Variants in WWOX observed in about 807,000 individuals in gnomAD.
The protein encoded by WWOX is WW domain-containing oxidoreductase.
A neutral mutation model predicts 46.2 loss-of-function variants in WWOX; 69 were observed. The observed-to-expected ratio is 1.49, with a 90% CI of 1.23 to 1.82. The LOEUF (loss-of-function observed/expected upper bound fraction) is 1.82, where lower values mean the gene tolerates loss of function less well. Among genes scored for constraint, WWOX ranks in the 40% most tolerant of loss-of-function variants. WWOX has a pLI of 0.00. For missense variants in WWOX, 919 were observed against 542.6 expected, an observed-to-expected ratio of 1.69 and a Z score of -6.89; for synonymous variants, 359 against 202.6, an observed-to-expected ratio of 1.77 and a Z score of -6.56.
intron 8 of WWOX, among the ~76,000 whole-genome samples, chr16:78,764,042 A>G (rs963892429): frequency 1.4e-4 from 21 of 152,266 alleles, no homozygotes; most frequent in African/African-American, 5.1e-4. Flanking sequence ...GCTGCGTAGG[A>G]TATGTGAAAT....
At chr16:79,126,619 T>G (rs754694903) in intron 8 of WWOX, among the ~76,000 whole-genome samples, 61 of 152,280 alleles carry the variant, frequency 4.0e-4, no homozygotes, top group Non-Finnish European at 6.3e-4. Flanking sequence ...TAAACCTCTT[T>G]CCTTTATAAA....
At chr16:78,476,361 A>T (rs2084348543) in intron 8 of WWOX, among the ~76,000 whole-genome samples, 1 of 152,124 alleles carries the variant, frequency 6.6e-6, no homozygotes, top group Non-Finnish European at 1.5e-5. Flanking sequence ...CAAGGACAAA[A>T]AACCAAACAC....
intron 8 of WWOX, among the ~76,000 whole-genome samples, chr16:78,856,746 A>G (rs1051363650): frequency 6.6e-6 from 1 of 152,204 alleles, no homozygotes; most frequent in Non-Finnish European, 1.5e-5. Context: ...AGAAATATAC[A>G]TGTACATAGA....
At chr16:78,222,295 C>CAGCT (rs2036912911) in intron 5 of WWOX, among the ~76,000 whole-genome samples, 1 of 149,524 alleles carries the variant, frequency 6.7e-6, no homozygotes, top group Non-Finnish European at 1.5e-5. Context: ...GCCAAGGGCC[C>CAGCT]AGCTGTGCCT....
intron 8 of WWOX, among the ~76,000 whole-genome samples, chr16:78,458,931 CT>C (rs1567585558): frequency 6.6e-6 from 1 of 152,138 alleles, no homozygotes; most frequent in East Asian, 1.9e-4. Flanking sequence ...AATATTCATT[CT>C]CTGTGTCACC....
At chr16:78,527,875 A>G (rs2043515305) in intron 8 of WWOX, among the ~76,000 whole-genome samples, 1 of 151,508 alleles carries the variant, frequency 6.6e-6, no homozygotes, top group Non-Finnish European at 1.5e-5. Context: ...AGTGCTAAGG[A>G]TCCTGCAGTG....
chr16:78,327,477 C>A (rs1224703520), intron 5 of WWOX, among the ~76,000 whole-genome samples: 1 of 152,120 alleles, frequency 6.6e-6, no homozygotes, highest in African/African-American at 2.4e-5. Flanking sequence ...ACACAGAAGG[C>A]TTCTGTGAGA....
At chr16:78,529,689 G>A (rs185197348) in intron 8 of WWOX, among the ~76,000 whole-genome samples, 3 of 151,836 alleles carry the variant, frequency 2.0e-5, no homozygotes, top group Middle Eastern at 3.4e-3. Flanking sequence ...GGATGGTCTC[G>A]ATCTCCTGAC....
chr16:79,107,269 A>G (rs1279379191), intron 8 of WWOX, among the ~76,000 whole-genome samples: 1 of 106,128 alleles, frequency 9.4e-6, no homozygotes, highest in Non-Finnish European at 2.0e-5. Flanking sequence ...GTTATTTTTG[A>G]TCTCATCCTT....
At chr16:79,130,107 T>G (rs1451761754) in intron 8 of WWOX, among the ~76,000 whole-genome samples, 1 of 152,216 alleles carries the variant, frequency 6.6e-6, no homozygotes, top group African/African-American at 2.4e-5. Context: ...ATCTGTGTGT[T>G]ACAGATGAGA....
chr16:78,614,639 C>G (rs1188814243), intron 8 of WWOX, among the ~76,000 whole-genome samples: 5 of 152,196 alleles, frequency 3.3e-5, no homozygotes, highest in Admixed American at 6.5e-5. Context: ...AGATGAGGGA[C>G]CACCCCCTCC....
chr16:78,584,721 CA>C (rs1486368707), intron 8 of WWOX, among the ~76,000 whole-genome samples: 4 of 152,148 alleles, frequency 2.6e-5, no homozygotes, highest in Non-Finnish European at 4.4e-5. Context: ...GTTAGCTTAC[CA>C]GGGGGTGGTG....
At chr16:79,210,780 T>C (rs1433876851) in intron 8 of WWOX, among the ~76,000 whole-genome samples, 2 of 152,050 alleles carry the variant, frequency 1.3e-5, no homozygotes. Flanking sequence ...ATTCTGTCAG[T>C]TTGGATGATA....
At chr16:78,253,968 A>G (rs778947533) in intron 5 of WWOX, among the ~76,000 whole-genome samples, 5 of 152,182 alleles carry the variant, frequency 3.3e-5, no homozygotes, top group Admixed American at 6.5e-5. Flanking sequence ...CGGGAAGCTC[A>G]TCGCATAGCT....
chr16:79,088,618 G>C (rs1481128949), intron 8 of WWOX, among the ~76,000 whole-genome samples: 1 of 152,184 alleles, frequency 6.6e-6, no homozygotes, highest in African/African-American at 2.4e-5. Context: ...ACTCCATGGA[G>C]ACCACTTTAC....
At chr16:79,029,192 A>G (rs1472525566) in intron 8 of WWOX, among the ~76,000 whole-genome samples, 3 of 152,162 alleles carry the variant, frequency 2.0e-5, no homozygotes, top group Non-Finnish European at 2.9e-5. Context: ...GACTTTGGGT[A>G]CAGATGCACA....
At chr16:78,786,946 G>C (rs2050472199) in intron 8 of WWOX, among the ~76,000 whole-genome samples, 1 of 152,284 alleles carries the variant, frequency 6.6e-6, no homozygotes, top group Admixed American at 6.5e-5. Flanking sequence ...TGAAGAGTTA[G>C]AGATGAGCCT....
chr16:78,933,168 G>T (rs1319902367), intron 8 of WWOX, among the ~76,000 whole-genome samples: 2 of 152,242 alleles, frequency 1.3e-5, no homozygotes, highest in East Asian at 3.9e-4. Context: ...GCCTGGCGTG[G>T]TGGCTCACGC....
chr16:78,764,412 T>C (rs968350286), intron 8 of WWOX, among the ~76,000 whole-genome samples: 15 of 151,028 alleles, frequency 9.9e-5, no homozygotes, highest in African/African-American at 2.9e-4. Context: ...TGTCCTCTTG[T>C]TGGAAGGGAA....
Sources: gnomAD v4.1 joint callset for allele counts (sites outside exome capture counted in the v4.1 genomes callset) on GRCh38, gnomAD v4.1.1 for gene constraint, MANE v1.5 for transcripts, NCBI Gene and HGNC (gene_info 2026-07-23, HGNC 2026-07-21) for gene names.